Variants in GPC5 observed in about 807,000 individuals in gnomAD.
The protein encoded by GPC5 is glypican-5.
In GPC5, 47 loss-of-function variants were observed where a neutral mutation model predicts 53.9. The observed-to-expected ratio is 0.87, with a 90% CI of 0.69 to 1.11. The LOEUF is 1.11. Among genes scored for constraint, GPC5 ranks in the 50% most tolerant of loss-of-function variants. The pLI is 0.00. For synonymous variants in GPC5, 286 were observed against 263.3 expected (o/e 1.09, Z -0.84); for missense variants, 748 against 713.1 (o/e 1.05, Z -0.56).
At chr13:91,938,659 G>A (rs2039894027) in intron 6 of GPC5, among the ~76,000 whole-genome samples, 1 of 152,104 alleles carries the variant, frequency 6.6e-6, no homozygotes, top group Admixed American at 6.6e-5. Context: ...AAAAATGTAA[G>A]CATTTGATTT....
At chr13:91,603,958 TTTA>T (rs2033267081) in intron 2 of GPC5, among the ~76,000 whole-genome samples, 1 of 151,982 alleles carries the variant, frequency 6.6e-6, no homozygotes, top group Non-Finnish European at 1.5e-5. Context: ...AGTTTTTTTT[TTTA>T]TTATTATACT....
In GPC5 at chr13:92,193,739, A is replaced by G. The variant is rs75046162; in HGVS notation, c.1561+48750A>G. Reference sequence around the variant, plus strand: ...TACACCCATTCGGCTCTGCCCCAGAAGTCCTGCATCCTTTCTGATACTTCC... The same window carrying G: ...TACACCCATTCGGCTCTGCCCCAGAGGTCCTGCATCCTTTCTGATACTTCC... On this transcript the variant is annotated intron_variant, in intron 7 of 7. Transcript: ENST00000377067. Among the ~76,000 whole-genome samples the G allele has an allele frequency of 7.7e-3, 1,168 of 152,336 alleles. 19 individuals are homozygous for G. The highest frequency in any genetic ancestry group is 0.026 in the African/African-American group (1,097 of 41,572).
intron 7 of GPC5, among the ~76,000 whole-genome samples, chr13:92,290,193 C>A (rs2042983792): frequency 6.6e-6 from 1 of 152,120 alleles, no homozygotes; most frequent in Non-Finnish European, 1.5e-5. Context: ...AAAATCAAAT[C>A]TACAGATACG....
chr13:92,584,775 G>T (rs1883483964), intron 7 of GPC5, among the ~76,000 whole-genome samples: 1 of 152,038 alleles, frequency 6.6e-6, no homozygotes, highest in Non-Finnish European at 1.5e-5. Context: ...GTCCCTGTGT[G>T]GCATGCAGTC....
At chr13:92,297,267 G>A (rs1211727179) in intron 7 of GPC5, among the ~76,000 whole-genome samples, 1 of 151,936 alleles carries the variant, frequency 6.6e-6, no homozygotes, top group Non-Finnish European at 1.5e-5. Flanking sequence ...TGAGGACGTG[G>A]AGAACCTTTA....
chr13:92,654,396 CA>C (rs1455289108), intron 7 of GPC5, among the ~76,000 whole-genome samples: 1 of 152,122 alleles, frequency 6.6e-6, no homozygotes, highest in East Asian at 1.9e-4. Flanking sequence ...TCCATGAACA[CA>C]AAATAATTCC....
At chr13:92,241,704 A>G (rs1262364572) in intron 7 of GPC5, 1 of 152,228 alleles carries the variant, frequency 6.6e-6, no homozygotes, top group African/African-American at 2.4e-5. Flanking sequence ...AGTGGAAAAT[A>G]CATATGTCTT....
At chr13:92,262,431 C>A (rs1164066652) in intron 7 of GPC5, among the ~76,000 whole-genome samples, 1 of 152,050 alleles carries the variant, frequency 6.6e-6, no homozygotes, top group Non-Finnish European at 1.5e-5. Context: ...TGGGTTAAGA[C>A]CTGATATAAT....
intron 2 of GPC5, among the ~76,000 whole-genome samples, chr13:91,599,388 A>T (rs2033102651): frequency 6.6e-6 from 1 of 152,152 alleles, no homozygotes; most frequent in Admixed American, 6.5e-5. Context: ...TTATCTTATC[A>T]TAAATCAAGC....
intron 2 of GPC5, among the ~76,000 whole-genome samples, chr13:91,668,236 G>T (rs939815067): frequency 6.6e-6 from 1 of 152,188 alleles, no homozygotes; most frequent in East Asian, 1.9e-4. Flanking sequence ...ACTGCGCAAA[G>T]TAGGGAATGG....
intron 7 of GPC5, among the ~76,000 whole-genome samples, chr13:92,504,679 C>T (rs574177226): frequency 7.2e-4 from 109 of 151,990 alleles, no homozygotes; most frequent in African/African-American, 2.6e-3. Flanking sequence ...CAGAAGTAGA[C>T]ACACAAATAT....
intron 6 of GPC5, among the ~76,000 whole-genome samples, chr13:92,102,925 C>A (rs1039563123): frequency 6.6e-6 from 1 of 152,146 alleles, no homozygotes; most frequent in Non-Finnish European, 1.5e-5. Flanking sequence ...AGCAGTGACA[C>A]CAGCAAGGCT....
In GPC5 at chr13:92,855,621, G is replaced by GA. The variant is rs77365229; in HGVS notation, c.1562-10650dup. Among the ~76,000 whole-genome samples, 1,182 of 135,880 alleles carry GA rather than the reference G, an allele frequency of 8.7e-3. 18 individuals carry two copies. Among genetic ancestry groups the GA allele is most frequent in the African/African-American group, 0.028 (1,029 of 36,984 alleles). 89.1% of individuals were successfully genotyped at this position (135,880 alleles called of 152,430 possible). A position where few individuals can be genotyped will look rare whatever the true frequency, so the allele number is the denominator to read the frequency against. On this transcript the variant is annotated intron_variant, in intron 7 of 7. Coordinates refer to ENST00000377067, the MANE Select transcript of GPC5 (RefSeq NM_004466.6). ...TGGTCTTAAATAATTTTTTAGAATT[G>GA]AAAAAAAAAAAGTGAAGACCCAAAC...
intron 7 of GPC5, among the ~76,000 whole-genome samples, chr13:92,612,099 C>A (rs1177094702): frequency 6.6e-6 from 1 of 152,046 alleles, no homozygotes; most frequent in Non-Finnish European, 1.5e-5. Context: ...AAAAATATTA[C>A]TGCAGTTGGA....
At chr13:92,634,108 G>A (rs1454549496) in intron 7 of GPC5, among the ~76,000 whole-genome samples, 5 of 135,550 alleles carry the variant, frequency 3.7e-5, no homozygotes, top group Non-Finnish European at 7.0e-5. Context: ...ATCTCTCTTG[G>A]TTACGGACTA....
At chr13:92,005,107 A>G (rs568326457) in intron 6 of GPC5, among the ~76,000 whole-genome samples, 1 of 152,238 alleles carries the variant, frequency 6.6e-6, no homozygotes, top group South Asian at 2.1e-4. Flanking sequence ...CTTCAATCCA[A>G]TCAACTTGAC....
intron 7 of GPC5, among the ~76,000 whole-genome samples, chr13:92,754,142 C>A (rs550516685): frequency 2.4e-4 from 36 of 152,224 alleles, no homozygotes; most frequent in African/African-American, 8.2e-4. Context: ...CGGCAGAAAC[C>A]CTACAAGCCA....
chr13:92,316,349 G>A (rs1190856535), intron 7 of GPC5, among the ~76,000 whole-genome samples: 1 of 152,066 alleles, frequency 6.6e-6, no homozygotes, highest in African/African-American at 2.4e-5. Flanking sequence ...TAATACTTAA[G>A]CATGACAAAT....
intron 2 of GPC5, among the ~76,000 whole-genome samples, chr13:91,519,768 T>C (rs866270767): frequency 6.6e-6 from 1 of 152,190 alleles, no homozygotes; most frequent in East Asian, 1.9e-4. Flanking sequence ...GATTTGTATA[T>C]TGGGCAGGTT....
Sources: gnomAD v4.1 joint callset for allele counts (sites outside exome capture counted in the v4.1 genomes callset) on GRCh38, gnomAD v4.1.1 for gene constraint, MANE v1.5 for transcripts, NCBI Gene and HGNC (gene_info 2026-07-23, HGNC 2026-07-21) for gene names.